Variants in HS6ST3 observed in about 807,000 individuals in gnomAD.
The protein encoded by HS6ST3 is heparan-sulfate 6-O-sulfotransferase 3.
HS6ST3 carries 12 observed loss-of-function variants against 36.7 expected under a neutral mutation model. The ratio of observed to expected loss-of-function variants is 0.33; its 90% CI spans 0.21 to 0.53. The LOEUF (loss-of-function observed/expected upper bound fraction) is 0.53. Ranked by LOEUF, HS6ST3 falls within the 20% of genes least tolerant of loss-of-function variation. The pLI is 0.95. For missense variants in HS6ST3, 584 were observed against 640.9 expected, an observed-to-expected ratio of 0.91 and a Z score of 0.96; for synonymous variants, 240 against 257.5, an observed-to-expected ratio of 0.93 and a Z score of 0.65.
chr13:96,618,653 G>A (rs934376365), intron 1 of HS6ST3, among the ~76,000 whole-genome samples: 14 of 152,152 alleles, frequency 9.2e-5, no homozygotes, highest in African/African-American at 3.4e-4. Context: ...GAATCTGGAG[G>A]CATTTCTGAC....
chr13:96,326,061 G>A (rs1156611864), intron 1 of HS6ST3, among the ~76,000 whole-genome samples: 1 of 152,110 alleles, frequency 6.6e-6, no homozygotes, highest in African/African-American at 2.4e-5. Flanking sequence ...GTGAATTATA[G>A]TCTAAAGATA....
rs1336511553 is a variant in HS6ST3, at chr13:96,348,102, G to GA, written c.707+256539dup. Among the ~76,000 whole-genome samples the GA allele has an allele frequency of 2.6e-5, 4 of 152,126 alleles. No homozygotes were observed. In the South Asian group the frequency reaches 6.2e-4, roughly 24 times the overall value. On this transcript the variant is annotated intron_variant, in intron 1 of 1. Coordinates refer to ENST00000376705, the MANE Select transcript of HS6ST3 (RefSeq NM_153456.4). ...CAGAGAGTTCTTACCAATGGAATCA[G>GA]AAAAAATATGGGAAGAGGTACTTGC... is the stretch of plus-strand genomic sequence containing the variant.
chr13:96,619,580 A>G (rs1424490654), intron 1 of HS6ST3, among the ~76,000 whole-genome samples: 1 of 152,198 alleles, frequency 6.6e-6, no homozygotes, highest in Non-Finnish European at 1.5e-5. Context: ...GGTGCAGTGT[A>G]TGTAGTGTAT....
chr13:96,613,738 A>T (rs2056463945), intron 1 of HS6ST3, among the ~76,000 whole-genome samples: 1 of 152,204 alleles, frequency 6.6e-6, no homozygotes, highest in African/African-American at 2.4e-5. Flanking sequence ...CTCAGCAGTA[A>T]ATACTAAATA....
chr13:96,221,948 TC>T (rs2054457724), intron 1 of HS6ST3, among the ~76,000 whole-genome samples: 1 of 152,238 alleles, frequency 6.6e-6, no homozygotes, highest in African/African-American at 2.4e-5. Flanking sequence ...TAATAAATGT[TC>T]TTTTAAGATG....
intron 1 of HS6ST3, among the ~76,000 whole-genome samples, chr13:96,227,466 T>C (rs1434962321): frequency 6.6e-6 from 1 of 152,206 alleles, no homozygotes; most frequent in Non-Finnish European, 1.5e-5. Context: ...AAGTTCTACA[T>C]CTCCCGTTGT....
chr13:96,579,849 G>A (rs943688337), intron 1 of HS6ST3, among the ~76,000 whole-genome samples: 1 of 152,120 alleles, frequency 6.6e-6, no homozygotes, highest in Non-Finnish European at 1.5e-5. Flanking sequence ...GATCCCCTGT[G>A]AGTGCTACTG....
chr13:96,118,904 G>T (rs1373851861), intron 1 of HS6ST3, among the ~76,000 whole-genome samples: 1 of 149,192 alleles, frequency 6.7e-6, no homozygotes, highest in South Asian at 2.1e-4. Flanking sequence ...TAGAGACGGG[G>T]TTTCACCTTG....
intron 1 of HS6ST3, among the ~76,000 whole-genome samples, chr13:96,385,604 T>G (rs2139448587): frequency 6.6e-6 from 1 of 152,212 alleles, no homozygotes; most frequent in African/African-American, 2.4e-5. Context: ...AATTAGGAGG[T>G]TTGGACAATG....
chr13:96,601,160 C>A lies in HS6ST3; in HGVS notation c.708-231330C>A, dbSNP rs147630865. On this transcript the variant is annotated intron_variant, in intron 1 of 1. Transcript: ENST00000376705. ...TATGCTTCGGTGATGTCCTTTTTTG[C>A]AATGAATCTCCCAGGAATTCTTTGA... Among the ~76,000 whole-genome samples, 133 of 152,164 alleles carry A rather than the reference C, an allele frequency of 8.7e-4. 1 individual carries two copies. The East Asian group carries it at 0.024, about 27-fold the overall frequency.
intron 1 of HS6ST3, among the ~76,000 whole-genome samples, chr13:96,765,589 TC>T (rs1267764147): frequency 1.4e-3 from 13 of 9,302 alleles, no homozygotes; most frequent in Non-Finnish European, 3.7e-4. Context: ...TCTCTCTCTT[TC>T]TCTCTCTCTC....
chr13:96,431,336 C>T (rs552406187), intron 1 of HS6ST3, among the ~76,000 whole-genome samples: 1 of 152,262 alleles, frequency 6.6e-6, no homozygotes, highest in African/African-American at 2.4e-5. Flanking sequence ...TTTTCTCTTT[C>T]CTCTTTCGTT....
chr13:96,671,207 T>A (rs1275355279), intron 1 of HS6ST3, among the ~76,000 whole-genome samples: 1 of 152,088 alleles, frequency 6.6e-6, no homozygotes, highest in African/African-American at 2.4e-5. Flanking sequence ...GCTCCAAGTG[T>A]CATCAGAGCT....
chr13:96,830,540 T>G (rs1304209623), intron 1 of HS6ST3, among the ~76,000 whole-genome samples: 1 of 152,192 alleles, frequency 6.6e-6, no homozygotes, highest in East Asian at 1.9e-4. Flanking sequence ...ATCATCAAGT[T>G]TCTTTGAAGA....
intron 1 of HS6ST3, among the ~76,000 whole-genome samples, chr13:96,637,010 T>A (rs571365767): frequency 7.9e-5 from 12 of 151,146 alleles, no homozygotes; most frequent in South Asian, 4.2e-4. Context: ...AATTTAAATT[T>A]AAAAAAAAAG....
intron 1 of HS6ST3, among the ~76,000 whole-genome samples, chr13:96,647,429 A>G (rs1484603636): frequency 2.0e-5 from 3 of 152,046 alleles, no homozygotes; most frequent in African/African-American, 4.8e-5. Context: ...CAAATTGTCT[A>G]GATGCACCCA....
Position 96,832,511 on chromosome 13 carries a change from G to A in HS6ST3, c.729G>A (p.Met243Ile), listed in dbSNP as rs547660939. 2 of 1,582,818 alleles carry A rather than the reference G, an allele frequency of 1.3e-6. No homozygotes were observed. Among genetic ancestry groups the A allele is most frequent in the East Asian group, 2.2e-5 (1 of 44,652 alleles). ...SHTRNFYYIT[M>I]LRDPVSRYLS... ...CTAGGAATTTCTATTACATCACAAT[G>A]TTACGGGATCCAGTGTCACGTTACC... The change falls in exon 2 of 2, where the codon ATG (methionine) becomes ATA (isoleucine). Residue 243 changes from methionine to isoleucine, a missense_variant. Transcript: ENST00000376705.
intron 1 of HS6ST3, among the ~76,000 whole-genome samples, chr13:96,704,560 T>C (rs1433225131): frequency 6.6e-6 from 1 of 152,086 alleles, no homozygotes; most frequent in Non-Finnish European, 1.5e-5. Flanking sequence ...AATATAGAAT[T>C]AAGGTGTTGC....
At chr13:96,495,406 C>G (rs1442912557) in intron 1 of HS6ST3, among the ~76,000 whole-genome samples, 1 of 152,128 alleles carries the variant, frequency 6.6e-6, no homozygotes, top group African/African-American at 2.4e-5. Flanking sequence ...TAAGTGAAAA[C>G]ACCTTTCCTT....
Sources: allele counts gnomAD v4.1 joint callset (sites outside exome capture counted in the v4.1 genomes callset), GRCh38; gene constraint gnomAD v4.1.1; transcripts MANE v1.5; gene names NCBI Gene and HGNC (gene_info 2026-07-23, HGNC 2026-07-21).